Variants in RALGAPA1 observed in about 807,000 individuals in gnomAD.
The protein encoded by RALGAPA1 is ral GTPase-activating protein subunit alpha-1.
Under a neutral mutation model 269.6 loss-of-function variants are expected in RALGAPA1, and 52 were observed. That is an observed-to-expected ratio of 0.19 (90% CI 0.15 to 0.24). The LOEUF is 0.24. Ranked by LOEUF, RALGAPA1 falls within the 10% of genes least tolerant of loss-of-function variation. The pLI is 1.00. For missense variants in RALGAPA1, 1,917 were observed against 3,013.9 expected (o/e 0.64, Z 8.52); for synonymous variants, 817 against 1,008.3 (o/e 0.81, Z 3.60).
intron 35 of RALGAPA1, among the ~76,000 whole-genome samples, chr14:35,614,527 A>C (rs1488677830): frequency 6.6e-6 from 1 of 152,174 alleles, no homozygotes; most frequent in Non-Finnish European, 1.5e-5. Context: ...TTATAGAGAC[A>C]GAAAGTAGAT....
intron 17 of RALGAPA1, among the ~76,000 whole-genome samples, chr14:35,697,023 G>A (rs2066954954): frequency 6.6e-6 from 1 of 151,998 alleles, no homozygotes; most frequent in African/African-American, 2.4e-5. Context: ...TTTTAATTTA[G>A]CACTATTTTT....
intron 32 of RALGAPA1, among the ~76,000 whole-genome samples, chr14:35,635,179 GA>G (rs59468474): frequency 0.36 from 52,510 of 145,714 alleles, 12,488 homozygotes; most frequent in African/African-American, 0.68. Context: ...TTCAATAAAA[GA>G]AAAAAAAAAA....
chr14:35,640,037 A>T (rs968780550), intron 31 of RALGAPA1, among the ~76,000 whole-genome samples: 1 of 152,244 alleles, frequency 6.6e-6, no homozygotes, highest in East Asian at 1.9e-4. Flanking sequence ...CTGGAAACAA[A>T]TGATAATGGA....
At chr14:35,707,628 A>C (rs2140763061) in intron 16 of RALGAPA1, 1 of 152,336 alleles carries the variant, frequency 6.6e-6, no homozygotes, top group South Asian at 2.1e-4. Flanking sequence ...GTAGTCCTCA[A>C]AAGAATTAGG....
chr14:35,736,722 C>T (rs865798698), intron 12 of RALGAPA1, among the ~76,000 whole-genome samples: 5 of 152,122 alleles, frequency 3.3e-5, no homozygotes, highest in Non-Finnish European at 7.4e-5. Flanking sequence ...GTGGCCTTGA[C>T]AAGGACATTT....
At chr14:35,763,066 C>T (rs1567179267) in intron 4 of RALGAPA1, among the ~76,000 whole-genome samples, 1 of 152,158 alleles carries the variant, frequency 6.6e-6, no homozygotes, top group Admixed American at 6.5e-5. Context: ...ACTTTTATCA[C>T]TATCCAAATG....
chr14:35,614,146 C>T (rs1001051989), intron 35 of RALGAPA1, among the ~76,000 whole-genome samples: 2 of 152,220 alleles, frequency 1.3e-5, no homozygotes, highest in African/African-American at 4.8e-5. Context: ...TAAAATGGTA[C>T]AGCTGGTGTG....
chr14:35,681,098 T>C (rs111727702), intron 21 of RALGAPA1, among the ~76,000 whole-genome samples: 41 of 152,314 alleles, frequency 2.7e-4, no homozygotes, highest in African/African-American at 8.9e-4. Context: ...TTCTATGTTA[T>C]AGGAAAATAG....
At chr14:35,665,812 T>A (rs529185613) in intron 26 of RALGAPA1, among the ~76,000 whole-genome samples, 1 of 152,296 alleles carries the variant, frequency 6.6e-6, no homozygotes, top group South Asian at 2.1e-4. Context: ...TATAGGTAGA[T>A]GAGGTAACTG....
At chr14:35,770,822 T>C (rs1465675993) in intron 4 of RALGAPA1, 120 bp downstream of exon 4, 1 of 390,688 alleles carries the variant, frequency 2.6e-6, no homozygotes. Flanking sequence ...TCTTGTATTC[T>C]TTATTTTCTT....
chr14:35,800,224 A>C (rs538685586), intron 1 of RALGAPA1, among the ~76,000 whole-genome samples: 1 of 152,364 alleles, frequency 6.6e-6, no homozygotes, highest in East Asian at 1.9e-4. Flanking sequence ...CTTGAACAAC[A>C]CTAACAAGCA....
intron 26 of RALGAPA1, among the ~76,000 whole-genome samples, chr14:35,665,429 T>C (rs954783501): frequency 3.3e-5 from 5 of 152,234 alleles, no homozygotes; most frequent in African/African-American, 1.2e-4. Flanking sequence ...TAATATATTG[T>C]TTTATTTACT....
At chr14:35,633,010 G>A (rs532967945) in intron 33 of RALGAPA1, among the ~76,000 whole-genome samples, 1 of 152,236 alleles carries the variant, frequency 6.6e-6, no homozygotes, top group East Asian at 1.9e-4. Context: ...GGAACAACTT[G>A]ATACGTTTAG....
intron 20 of RALGAPA1, 82 bp downstream of exon 20, chr14:35,684,847 G>C: frequency 7.2e-7 from 1 of 1,379,460 alleles, no homozygotes; most frequent in Non-Finnish European, 9.8e-7. Flanking sequence ...AGAGGAAGGT[G>C]ATGGCTACAT....
intron 4 of RALGAPA1, among the ~76,000 whole-genome samples, chr14:35,767,703 T>C (rs911522690): frequency 5.3e-5 from 8 of 151,730 alleles, no homozygotes; most frequent in Admixed American, 4.6e-4. Flanking sequence ...AACAAACAAA[T>C]AAACAAAAAC....
intron 31 of RALGAPA1, among the ~76,000 whole-genome samples, chr14:35,649,992 T>C (rs139937663): frequency 1.3e-5 from 2 of 152,338 alleles, no homozygotes; most frequent in East Asian, 3.9e-4. Context: ...TAGAAAAAGA[T>C]GAACAAGTAG....
chr14:35,623,882 A>G (rs1035915738), intron 35 of RALGAPA1, among the ~76,000 whole-genome samples: 37 of 152,176 alleles, frequency 2.4e-4, no homozygotes, highest in Non-Finnish European at 1.5e-5. Context: ...GATCGAGACC[A>G]TTCTGGCTAA....
intron 12 of RALGAPA1, among the ~76,000 whole-genome samples, 182 bp downstream of exon 12, chr14:35,738,331 A>G (rs1304763721): frequency 7.2e-5 from 11 of 152,036 alleles, no homozygotes; most frequent in Admixed American, 2.0e-4. Context: ...AATTATCTAG[A>G]ATAATATGTA....
At chr14:35,661,808 G>T (rs1000256774) in intron 27 of RALGAPA1, among the ~76,000 whole-genome samples, 1 of 152,156 alleles carries the variant, frequency 6.6e-6, no homozygotes, top group Non-Finnish European at 1.5e-5. Flanking sequence ...TGTCTTAAGG[G>T]CTGGAGACAA....
Sources: gnomAD v4.1 joint callset for allele counts (sites outside exome capture counted in the v4.1 genomes callset) on GRCh38, gnomAD v4.1.1 for gene constraint, MANE v1.5 for transcripts, NCBI Gene and HGNC (gene_info 2026-07-23, HGNC 2026-07-21) for gene names.